Variants in CDC25B observed in about 807,000 individuals in gnomAD.
CDC25B encodes the protein M-phase inducer phosphatase 2.
Under a neutral mutation model 69.8 loss-of-function variants are expected in CDC25B, and 33 were observed. The ratio of observed to expected loss-of-function variants is 0.47; its 90% CI spans 0.36 to 0.63. CDC25B has a LOEUF of 0.63. CDC25B is among the 30% of genes least tolerant of loss of function. The pLI is 0.00. For missense variants in CDC25B, 727 were observed against 809.1 expected (o/e 0.90, Z 1.23); for synonymous variants, 341 against 314.6 (o/e 1.08, Z -0.89).
chr20:3,794,916 C>A (rs1360622562), upstream of CDC25B, among the ~76,000 whole-genome samples: 1 of 152,186 alleles, frequency 6.6e-6, no homozygotes, highest in Non-Finnish European at 1.5e-5. Flanking sequence ...CAGCCCGCCC[C>A]CCGCACCACC....
chr20:3,801,820 C>T lies in CDC25B; in HGVS notation c.921+18C>T, dbSNP rs771454694. Reference sequence around the variant, plus strand: ...AGGAAAAGGTGGGCCTCTGGGGTGGCCCCCTCCGAATTTGGAGGCATGGGG... The same window carrying T: ...AGGAAAAGGTGGGCCTCTGGGGTGGTCCCCTCCGAATTTGGAGGCATGGGG... On this transcript the variant is annotated intron_variant, in intron 9 of 15. Coordinates refer to ENST00000245960, the MANE Select transcript of CDC25B (RefSeq NM_021873.4). 1.9e-6 allele frequency: 3 copies of T among 1,589,620 alleles called. No homozygotes were observed. In the African/African-American group the frequency reaches 4.0e-5, roughly 21 times the overall value.
chr20:3,796,376 C>G lies in CDC25B; in HGVS notation c.-156C>G. The G allele has an allele frequency of 7.8e-7, 1 of 1,277,818 alleles. No homozygotes were observed. Among genetic ancestry groups the G allele is most frequent in the Non-Finnish European group, 9.9e-7 (1 of 1,008,104 alleles). The allele number at this position is 1,277,818 out of a possible 1,614,324, so 79.2% of individuals were successfully genotyped here. A position where few individuals can be genotyped will look rare whatever the true frequency, so the allele number is the denominator to read the frequency against. On this transcript the variant is annotated 5_prime_UTR_variant, in exon 1 of 16. Coordinates refer to ENST00000245960, the MANE Select transcript of CDC25B (RefSeq NM_021873.4). The stretch of plus-strand genomic sequence containing the variant: ...CCCCCGCCCTCCCCGCATCCCTCTC[C>G]TCCCTCGCGCCTGGCCCTGTGGCTC...
chr20:3,788,183 A>G (rs2088857052), intron 1 of CDC25B, among the ~76,000 whole-genome samples: 1 of 152,160 alleles, frequency 6.6e-6, no homozygotes, highest in African/African-American at 2.4e-5. Context: ...AGACTCTTGA[A>G]GTGGAGGAGC....
chr20:3,797,725 G>A lies in CDC25B; in HGVS notation c.304G>A (p.Glu102Lys). 6.2e-7 allele frequency: 1 copy of A among 1,614,036 alleles called. No individual in the cohort carries two copies. Among genetic ancestry groups the A allele is most frequent in the Non-Finnish European group, 8.5e-7 (1 of 1,180,020 alleles). Reference protein sequence around the residue: ...RRASESSLSSESSESSDAGLC... With the variant: ...RRASESSLSSKSSESSDAGLC... The stretch of plus-strand genomic sequence containing the variant: ...GGCATCCGAATCCTCCCTGTCGTCT[G>A]AATCCTCCGAATCTTCTGATGCAGG... Residue 102 changes from glutamate to lysine, a missense_variant, in exon 2 of 16, where the codon GAA becomes AAA. By Grantham distance (56) the Glu-to-Lys change is moderately conservative. Coordinates refer to ENST00000245960, the MANE Select transcript of CDC25B (RefSeq NM_021873.4).
chr20:3,789,393 G>A (rs1053260101), intron 1 of CDC25B, among the ~76,000 whole-genome samples: 3 of 151,762 alleles, frequency 2.0e-5, no homozygotes, highest in Non-Finnish European at 2.9e-5. Context: ...TTTTTGAGAC[G>A]GAGTCTCACT....
upstream of CDC25B, among the ~76,000 whole-genome samples, chr20:3,791,742 T>A (rs1006337186): frequency 2.0e-5 from 3 of 152,120 alleles, no homozygotes; most frequent in African/African-American, 7.2e-5. Flanking sequence ...TAGGAATTCA[T>A]CTTGTAGATA....
In CDC25B at chr20:3,803,091, C is replaced by T. The variant is rs916167017; in HGVS notation, c.1258-17C>T. On this transcript the variant is annotated splice_polypyrimidine_tract_variant and intron_variant, in intron 12 of 15. Transcript: ENST00000245960. This position sits in a 1 kb window ranked among gnomAD's most constrained non-coding sequence, Gnocchi z 4.9. ...CCAGCCTGACCTGCCGGAACCAACC[C>T]CCATGACCTCCTACAGATGGTGGCC... 3.0e-5 allele frequency: 48 copies of T among 1,610,230 alleles called. No individual in the cohort carries two copies. Among genetic ancestry groups the T allele is most frequent in the Non-Finnish European group, 4.0e-5 (47 of 1,176,674 alleles).
chr20:3,795,544 A>T (rs1600383692), upstream of CDC25B, among the ~76,000 whole-genome samples: 1 of 152,098 alleles, frequency 6.6e-6, no homozygotes, highest in African/African-American at 2.4e-5. Flanking sequence ...GGTTGCTGAC[A>T]CCCTCCTCGA....
rs1026093818 is a variant in CDC25B, at chr20:3,797,485, G to A, written c.201-137G>A. The A allele has an allele frequency of 1.2e-4, 134 of 1,102,306 alleles. 1 individual carries two copies. In the Admixed American group the frequency reaches 3.0e-3, roughly 25 times the overall value. The allele number at this position is 1,102,306 out of a possible 1,614,324, so 68.3% of individuals were successfully genotyped here. A position where few individuals can be genotyped will look rare whatever the true frequency, so the allele number is the denominator to read the frequency against. ...ACCTTCCTTGACCTGAGAAGAGGGG[G>A]CCCTCAGGGCCATTGCTTTCCCGGT... On this transcript the variant is annotated intron_variant, in intron 1 of 15. Transcript: ENST00000245960.
rs541173649 is a variant in CDC25B, at chr20:3,799,509, TGTGTGTGTGTGTGTGTGC to T, written c.381-777_381-760del. 3.7e-3 allele frequency among the ~76,000 whole-genome samples: 446 copies of T among 121,184 alleles called. 2 individuals carry two copies. Among genetic ancestry groups the T allele is most frequent in the East Asian group, 0.011 (44 of 4,066 alleles). The allele number at this position is 121,184 out of a possible 152,430, so 79.5% of individuals were successfully genotyped here. A position where few individuals can be genotyped will look rare whatever the true frequency, so the allele number is the denominator to read the frequency against. ...CTGTGTGTGTGTGTGTGTGTGTGTG[TGTGTGTGTGTGTGTGTGC>T]GCGCGCGCGCGTAGATGCACAAAAG... On this transcript the variant is annotated intron_variant, in intron 3 of 15. Transcript: ENST00000245960.
At chr20:3,793,355 G>A (rs532988895), upstream of CDC25B, among the ~76,000 whole-genome samples, 1 of 151,566 alleles carries the variant, frequency 6.6e-6, no homozygotes, top group African/African-American at 2.4e-5. Flanking sequence ...TACTCGAGAG[G>A]CTGAGGCAGG....
intron 1 of CDC25B, among the ~76,000 whole-genome samples, chr20:3,790,047 G>C (rs929937920): frequency 2.0e-5 from 3 of 151,988 alleles, no homozygotes; most frequent in Non-Finnish European, 4.4e-5. Context: ...AGCTCCTAGG[G>C]AGGCTGGGGT....
rs2089432079 is a variant in CDC25B at position 3,805,036 on chromosome 20, T to C, written c.*75T>C. 3.3e-6 allele frequency: 5 copies of C among 1,495,134 alleles called. No individual in the cohort carries two copies. In the Admixed American group the frequency reaches 8.0e-5, roughly 24 times the overall value. The allele number at this position is 1,495,134 out of a possible 1,614,324, so 92.6% of individuals were successfully genotyped here. A position where few individuals can be genotyped will look rare whatever the true frequency, so the allele number is the denominator to read the frequency against. On this transcript the variant is annotated 3_prime_UTR_variant, in exon 16 of 16. Transcript: ENST00000245960. ...CAGCTGCCCTATGGGCCTGCCGGGC[T>C]GAGGGCCTGCTGGAGGCCTCAGGTG...
chr20:3,800,670 A>G lies in CDC25B; in HGVS notation c.460-73A>G, dbSNP rs894752608. 2.5e-6 allele frequency: 4 copies of G among 1,598,094 alleles called. No homozygotes were observed. In the African/African-American group the frequency reaches 4.0e-5, roughly 16 times the overall value. ...GGAGGAGCTGGAGGAGAGGTGGAGA[A>G]GGTAGGGCCTGGGCTCGTGCCGGAG... On this transcript the variant is annotated intron_variant, in intron 5 of 15. Coordinates refer to ENST00000245960, the MANE Select transcript of CDC25B (RefSeq NM_021873.4).
At chr20:3,800,592 G>A (rs2089242118) in intron 5 of CDC25B, 94 bp downstream of exon 5, 1 of 1,582,256 alleles carries the variant, frequency 6.3e-7, no homozygotes, top group Non-Finnish European at 8.7e-7. Context: ...TCCCAGCTGG[G>A]TGTCCCCAGG....
chr20:3,794,928 C>G (rs1441086370), upstream of CDC25B, among the ~76,000 whole-genome samples: 1 of 152,208 alleles, frequency 6.6e-6, no homozygotes, highest in Non-Finnish European at 1.5e-5. Flanking sequence ...CGCACCACCA[C>G]CCGCCCAGCC....
At chr20:3,787,046 A>C in exon 1 of CDC25B, 1 of 594,126 alleles carries the variant, frequency 1.7e-6, no homozygotes, top group African/African-American at 1.9e-5. Flanking sequence ...TTTTTTTTTA[A>C]TTAAGGTAAA....
At chr20:3,791,802 A>T (rs6052078), upstream of CDC25B, among the ~76,000 whole-genome samples, 1,251 of 152,368 alleles carry the variant, frequency 8.2e-3, 17 homozygotes, top group African/African-American at 0.028. Flanking sequence ...AAAAGCTAAT[A>T]TCCTAAATGT....
upstream of CDC25B, among the ~76,000 whole-genome samples, chr20:3,791,988 A>G (rs1374332719): frequency 1.3e-5 from 2 of 152,138 alleles, no homozygotes; most frequent in African/African-American, 4.8e-5. Context: ...ATCTTGGCTC[A>G]CTGCAACCTC....
Sources: gnomAD v4.1 joint callset for allele counts (sites outside exome capture counted in the v4.1 genomes callset) on GRCh38, gnomAD v4.1.1 for gene constraint, Gnocchi (gnomAD v3.1) non-coding constraint, MANE v1.5 for transcripts, NCBI Gene and HGNC (gene_info 2026-07-23, HGNC 2026-07-21) for gene names.